ARHGEF28: variants seen among roughly 807,000 people sequenced by gnomAD.
ARHGEF28 encodes the protein Rho guanine nucleotide exchange factor 28.
ARHGEF28 carries 152 observed loss-of-function variants against 206.6 expected under a neutral mutation model. That is an observed-to-expected ratio of 0.74 (90% CI 0.64 to 0.84). ARHGEF28 has a LOEUF of 0.84. Ranked by LOEUF, ARHGEF28 falls within the 40% of genes least tolerant of loss-of-function variation. ARHGEF28 has a pLI of 0.00. For missense variants in ARHGEF28, 2,028 were observed against 2,073.2 expected (o/e 0.98, Z 0.42); for synonymous variants, 763 against 776.4 (o/e 0.98, Z 0.29).
At chr5:73,741,560 T>C (rs73116549) in intron 2 of ARHGEF28, among the ~76,000 whole-genome samples, 44,168 of 150,056 alleles carry the variant, frequency 0.29, 6,621 homozygotes, top group African/African-American at 0.32. Flanking sequence ...GCTGGGATTA[T>C]AGGTGTGCGC....
At chr5:73,888,692 G>A (rs1366245773) in intron 26 of ARHGEF28, among the ~76,000 whole-genome samples, 1 of 152,154 alleles carries the variant, frequency 6.6e-6, no homozygotes, top group African/African-American at 2.4e-5. Context: ...TTTTTAGGAC[G>A]AGGTAGCATA....
intron 2 of ARHGEF28, among the ~76,000 whole-genome samples, chr5:73,735,568 A>C (rs1750870614): frequency 2.0e-5 from 3 of 152,206 alleles, no homozygotes; most frequent in African/African-American, 7.2e-5. Context: ...TAAAAATTCC[A>C]GAGCAGCAGG....
At chr5:73,629,478 AGTCTGGGT>A (rs1397123655) in intron 1 of ARHGEF28, among the ~76,000 whole-genome samples, 1 of 149,670 alleles carries the variant, frequency 6.7e-6, no homozygotes, top group Non-Finnish European at 1.5e-5. Flanking sequence ...CCACATTTCC[AGTCTGGGT>A]GACAGAAAAA....
chr5:73,747,802 T>G (rs1751808903), intron 2 of ARHGEF28, among the ~76,000 whole-genome samples: 1 of 152,188 alleles, frequency 6.6e-6, no homozygotes, highest in African/African-American at 2.4e-5. Flanking sequence ...TTCACTAGTG[T>G]AAAGCATGGC....
At chr5:73,702,297 A>G (rs149332258) in intron 2 of ARHGEF28, among the ~76,000 whole-genome samples, 1,835 of 152,244 alleles carry the variant, frequency 0.012, 26 homozygotes, top group African/African-American at 0.037. Flanking sequence ...TATTTAATCA[A>G]TCTTTAAGTG....
chr5:73,808,643 G>C (rs1432206880), intron 9 of ARHGEF28, among the ~76,000 whole-genome samples: 3 of 152,204 alleles, frequency 2.0e-5, no homozygotes, highest in Non-Finnish European at 4.4e-5. Flanking sequence ...ATATATTTAA[G>C]TTGTCACTGC....
chr5:73,887,271 T>C (rs1193512510), intron 25 of ARHGEF28, among the ~76,000 whole-genome samples: 2 of 152,222 alleles, frequency 1.3e-5, no homozygotes, highest in Non-Finnish European at 2.9e-5. Flanking sequence ...GCTGCCCTTT[T>C]ACATTTTTAA....
chr5:73,923,588 G>A lies in ARHGEF28; in HGVS notation c.4948+12013G>A, dbSNP rs374031368. Among the ~76,000 whole-genome samples the A allele has an allele frequency of 5.9e-5, 9 of 152,258 alleles. No individual in the cohort carries two copies. In the East Asian group the frequency reaches 1.3e-3, roughly 23 times the overall value. On this transcript the variant is annotated intron_variant, in intron 35 of 35. Coordinates refer to ENST00000513042, the MANE Select transcript of ARHGEF28 (RefSeq NM_001177693.2). The stretch of plus-strand genomic sequence containing the variant: ...TAGGTAAGATGAATATATTTGTCAG[G>A]TTCAATCTCTTGCCTACTATGATAG...
chr5:73,690,428 C>T (rs1424140741), intron 2 of ARHGEF28, among the ~76,000 whole-genome samples: 1 of 145,492 alleles, frequency 6.9e-6, no homozygotes, highest in African/African-American at 2.6e-5. Flanking sequence ...GTATAATTGG[C>T]TGTGTGTGGT....
At chr5:73,808,755 T>G (rs1275307311) in intron 9 of ARHGEF28, among the ~76,000 whole-genome samples, 1 of 152,190 alleles carries the variant, frequency 6.6e-6, no homozygotes, top group East Asian at 1.9e-4. Context: ...TCTAGTAGTA[T>G]TAAAAACTGT....
chr5:73,694,477 T>G (rs1366098200), intron 2 of ARHGEF28, among the ~76,000 whole-genome samples: 6 of 152,256 alleles, frequency 3.9e-5, no homozygotes, highest in Non-Finnish European at 8.8e-5. Flanking sequence ...GTTTGAGTTT[T>G]TAAAATGTTT....
chr5:73,697,286 G>A (rs1238553527), intron 2 of ARHGEF28, among the ~76,000 whole-genome samples: 1 of 151,994 alleles, frequency 6.6e-6, no homozygotes, highest in East Asian at 1.9e-4. Context: ...CCCTTCTTTA[G>A]CATTCTTTAC....
intron 1 of ARHGEF28, among the ~76,000 whole-genome samples, chr5:73,647,101 T>C (rs1480970450): frequency 1.3e-5 from 2 of 152,184 alleles, no homozygotes. Context: ...TGCTCTACAA[T>C]CTGAAACTTT....
At chr5:73,932,929 C>G (rs577236659) in intron 35 of ARHGEF28, among the ~76,000 whole-genome samples, 1 of 150,544 alleles carries the variant, frequency 6.6e-6, no homozygotes, top group Non-Finnish European at 1.5e-5. Flanking sequence ...CTGCCTCAGC[C>G]TCCCGTGTAG....
rs563751061 is a variant in ARHGEF28, at chr5:73,898,196, C to T, written c.3973+103C>T. 7.9e-3 allele frequency: 10,850 copies of T among 1,367,024 alleles called. 54 individuals are homozygous for T. Among genetic ancestry groups the T allele is most frequent in the Non-Finnish European group, 8.5e-3 (8,712 of 1,021,960 alleles). The allele number at this position is 1,367,024 out of a possible 1,614,324, so 84.7% of individuals were successfully genotyped here. A position where few individuals can be genotyped will look rare whatever the true frequency, so the allele number is the denominator to read the frequency against. ...AATGACTGTCTCTGGTTGAAGGGGA[C>T]TTGATATATTTTTTTAAATTAGAAA... On this transcript the variant is annotated intron_variant, in intron 30 of 35. Transcript: ENST00000513042.
chr5:73,706,749 G>A (rs557914511), intron 2 of ARHGEF28, among the ~76,000 whole-genome samples: 39 of 152,312 alleles, frequency 2.6e-4, no homozygotes, highest in Non-Finnish European at 5.1e-4. Flanking sequence ...AAGACCAGAA[G>A]TCATTACTTA....
intron 2 of ARHGEF28, among the ~76,000 whole-genome samples, chr5:73,733,306 A>G (rs1580540127): frequency 1.3e-5 from 2 of 152,246 alleles, no homozygotes; most frequent in East Asian, 3.8e-4. Flanking sequence ...TCATTATTAC[A>G]TTTGACTGTC....
intron 2 of ARHGEF28, among the ~76,000 whole-genome samples, chr5:73,721,107 A>C (rs190794684): frequency 1.0e-3 from 155 of 152,296 alleles, no homozygotes; most frequent in African/African-American, 3.5e-3. Context: ...GAATCTGGAC[A>C]TCTCTTTCCT....
intron 22 of ARHGEF28, among the ~76,000 whole-genome samples, chr5:73,881,327 A>G (rs1760925292): frequency 6.6e-6 from 1 of 152,150 alleles, no homozygotes; most frequent in Non-Finnish European, 1.5e-5. Context: ...TTATATTTTT[A>G]AAAAGCATAC....
Sources: allele counts gnomAD v4.1 joint callset (sites outside exome capture counted in the v4.1 genomes callset), GRCh38; gene constraint gnomAD v4.1.1; transcripts MANE v1.5; gene names NCBI Gene and HGNC (gene_info 2026-07-23, HGNC 2026-07-21).